Variants in CIMAP2 observed in about 807,000 individuals in gnomAD.
The protein encoded by CIMAP2 is ciliary microtubule-associated protein 2.
chr1:54,835,255 A>C, the CIMAP2 span, among the ~76,000 whole-genome samples: 1 of 152,130 alleles, frequency 6.6e-6, no homozygotes, highest in African/African-American at 2.4e-5. Flanking sequence ...GCAGTGGTGC[A>C]ATGTTGGCTC....
the CIMAP2 span, among the ~76,000 whole-genome samples, chr1:54,809,574 A>G: frequency 6.6e-6 from 1 of 152,192 alleles, no homozygotes; most frequent in Admixed American, 6.5e-5. Flanking sequence ...GTACAGAGTG[A>G]GTAACTTACT....
chr1:54,807,565 T>G, the CIMAP2 span: 8 of 1,599,324 alleles, frequency 5.0e-6, no homozygotes, highest in East Asian at 1.3e-4. Context: ...CAAAGAGACC[T>G]GCTTCAGCAA....
At chr1:54,813,107 G>A in the CIMAP2 span, among the ~76,000 whole-genome samples, 4 of 151,494 alleles carry the variant, frequency 2.6e-5, no homozygotes, top group South Asian at 2.1e-4. Flanking sequence ...GCTGGCCAGC[G>A]CCCAGGCCAC....
the CIMAP2 span, among the ~76,000 whole-genome samples, chr1:54,817,377 T>G: frequency 6.6e-6 from 1 of 152,292 alleles, no homozygotes; most frequent in South Asian, 2.1e-4. Flanking sequence ...AGCAGATGTT[T>G]GAGGAGACCC....
the CIMAP2 span, among the ~76,000 whole-genome samples, chr1:54,827,338 C>T: frequency 6.6e-6 from 1 of 152,222 alleles, no homozygotes; most frequent in Non-Finnish European, 1.5e-5. Context: ...CTCTCAGCTG[C>T]TCTTTTGCAA....
the CIMAP2 span, among the ~76,000 whole-genome samples, chr1:54,828,811 G>A: frequency 3.3e-5 from 5 of 152,094 alleles, no homozygotes; most frequent in African/African-American, 1.2e-4. Flanking sequence ...GTTAAAGAAT[G>A]CCTGAATAAC....
the CIMAP2 span, among the ~76,000 whole-genome samples, chr1:54,820,696 C>A: frequency 6.6e-6 from 1 of 152,272 alleles, no homozygotes; most frequent in Admixed American, 6.5e-5. Flanking sequence ...TGATGTCAAG[C>A]ATTTTTTCAT....
the CIMAP2 span, chr1:54,811,766 C>CGGGGGGGGG: frequency 5.2e-5 from 68 of 1,305,076 alleles, no homozygotes; most frequent in African/African-American, 7.7e-5. Flanking sequence ...GTTCTGACAG[C>CGGGGGGGGG]CTCCATGCCC....
At chr1:54,813,869 C>G in the CIMAP2 span, 1 of 1,613,828 alleles carries the variant, frequency 6.2e-7, no homozygotes, top group Non-Finnish European at 8.5e-7. Flanking sequence ...GAACTTAACT[C>G]ACATCACAAT....
chr1:54,820,009 T>TTCCTTCC, the CIMAP2 span, among the ~76,000 whole-genome samples: 7 of 121,896 alleles, frequency 5.7e-5, no homozygotes, highest in Admixed American at 1.7e-4. Flanking sequence ...CTCCCTCTCT[T>TTCCTTCC]TTCCTTCTTT....
the CIMAP2 span, among the ~76,000 whole-genome samples, chr1:54,814,308 G>C: frequency 6.6e-6 from 1 of 152,200 alleles, no homozygotes; most frequent in Non-Finnish European, 1.5e-5. Flanking sequence ...TCAGAGCGTT[G>C]GAGGATGGGC....
chr1:54,813,686 TCC>T, the CIMAP2 span: 26 of 1,090,822 alleles, frequency 2.4e-5, 1 homozygote, highest in Middle Eastern at 3.0e-4. Context: ...GCCTCCGGCC[TCC>T]GGGATGTCTG....
At chr1:54,807,132 C>G in the CIMAP2 span, 24 of 1,532,118 alleles carry the variant, frequency 1.6e-5, no homozygotes, top group East Asian at 5.4e-4. Flanking sequence ...CTGGCCACTG[C>G]CCCTTCGAGC....
chr1:54,810,847 A>G, the CIMAP2 span, among the ~76,000 whole-genome samples: 2 of 152,060 alleles, frequency 1.3e-5, no homozygotes, highest in Non-Finnish European at 2.9e-5. Context: ...CTGACTTCTC[A>G]TGTGCCAGTG....
chr1:54,808,987 T>C, the CIMAP2 span, among the ~76,000 whole-genome samples: 3 of 7,066 alleles, frequency 4.2e-4, no homozygotes, highest in Non-Finnish European at 4.5e-4. Context: ...TCTTCTTGTG[T>C]GTGACTGGAC....
the CIMAP2 span, among the ~76,000 whole-genome samples, chr1:54,813,250 C>A: frequency 1.3e-5 from 2 of 152,040 alleles, no homozygotes; most frequent in African/African-American, 2.4e-5. Context: ...CCTCCCCGAC[C>A]ACCAACATCC....
the CIMAP2 span, among the ~76,000 whole-genome samples, chr1:54,818,365 C>T: frequency 6.6e-6 from 1 of 151,808 alleles, no homozygotes; most frequent in Non-Finnish European, 1.5e-5. Context: ...TGGTTTGGCA[C>T]TCTAGTTTTC....
At chr1:54,819,251 AC>A in the CIMAP2 span, among the ~76,000 whole-genome samples, 1 of 151,852 alleles carries the variant, frequency 6.6e-6, no homozygotes, top group African/African-American at 2.4e-5. Context: ...ACTGCCTCCT[AC>A]CCCCTCTCTT....
At chr1:54,829,666 T>C in the CIMAP2 span, among the ~76,000 whole-genome samples, 1 of 152,204 alleles carries the variant, frequency 6.6e-6, no homozygotes, top group Non-Finnish European at 1.5e-5. Context: ...GAAAATTTCA[T>C]TTTTGCATTC....
Sources: gnomAD v4.1 joint callset for allele counts (sites outside exome capture counted in the v4.1 genomes callset) on GRCh38, gnomAD v4.1.1 for gene constraint, MANE v1.5 for transcripts, NCBI Gene and HGNC (gene_info 2026-07-23, HGNC 2026-07-21) for gene names.